Variants in IGSF21 observed in about 807,000 individuals in gnomAD.
The protein encoded by IGSF21 is immunoglobulin superfamily member 21.
Under a neutral mutation model 46.8 loss-of-function variants are expected in IGSF21, and 28 were observed. The observed-to-expected ratio is 0.60, with a 90% confidence interval of 0.44 to 0.82. The LOEUF (loss-of-function observed/expected upper bound fraction) is 0.82, where lower values mean the gene tolerates loss of function less well. Among genes scored for constraint, IGSF21 ranks in the 40% least tolerant of loss-of-function variants. The pLI, the probability that IGSF21 is intolerant of heterozygous loss-of-function variation, is 0.00. For missense variants in IGSF21, 624 were observed against 665.5 expected, an observed-to-expected ratio of 0.94 and a Z score of 0.69; for synonymous variants, 284 against 273.6, an observed-to-expected ratio of 1.04 and a Z score of -0.38.
At chr1:18,302,519 T>G (rs2085372277) in intron 3 of IGSF21, among the ~76,000 whole-genome samples, 1 of 152,208 alleles carries the variant, frequency 6.6e-6, no homozygotes, top group Non-Finnish European at 1.5e-5. Context: ...ATTTTCCTTT[T>G]TAGAATGATA....
intron 1 of IGSF21, among the ~76,000 whole-genome samples, chr1:18,204,485 G>A (rs1453686347): frequency 2.0e-5 from 3 of 152,102 alleles, no homozygotes; most frequent in Admixed American, 6.6e-5. Context: ...TGTGGCGTGC[G>A]CTGCTTGGTT....
chr1:18,349,904 ACC>A (rs2085933217), intron 4 of IGSF21, among the ~76,000 whole-genome samples: 4 of 151,972 alleles, frequency 2.6e-5, no homozygotes, highest in Non-Finnish European at 5.9e-5. Context: ...TAAAAAAAAA[ACC>A]ACTAAATTAC....
chr1:18,226,387 G>A (rs2084567061), intron 1 of IGSF21, among the ~76,000 whole-genome samples: 1 of 152,226 alleles, frequency 6.6e-6, no homozygotes, highest in Non-Finnish European at 1.5e-5. Flanking sequence ...GTAGGTGGGA[G>A]TGAACTGGGG....
At chr1:18,183,591 A>G (rs554358046) in intron 1 of IGSF21, among the ~76,000 whole-genome samples, 1 of 152,070 alleles carries the variant, frequency 6.6e-6, no homozygotes, top group South Asian at 2.1e-4. Context: ...ATCGCTGTGT[A>G]ACAGCCAGCC....
intron 2 of IGSF21, among the ~76,000 whole-genome samples, chr1:18,250,045 T>C (rs1051037524): frequency 6.7e-6 from 1 of 148,432 alleles, no homozygotes; most frequent in Admixed American, 6.7e-5. Context: ...TGTCTCTCTC[T>C]TTCTCCTCCC....
chr1:18,215,020 G>A (rs557410341), intron 1 of IGSF21, among the ~76,000 whole-genome samples: 17 of 152,280 alleles, frequency 1.1e-4, no homozygotes, highest in African/African-American at 3.6e-4. Context: ...GATTACAGGC[G>A]TGAGCCACTG....
chr1:18,135,932 T>C (rs1266167728), intron 1 of IGSF21, among the ~76,000 whole-genome samples: 2 of 152,240 alleles, frequency 1.3e-5, no homozygotes, highest in Admixed American at 1.3e-4. Context: ...TGTTGTTTCC[T>C]GACTTTTTAA....
intron 2 of IGSF21, among the ~76,000 whole-genome samples, chr1:18,259,741 G>A (rs2084929040): frequency 6.6e-6 from 1 of 152,188 alleles, no homozygotes; most frequent in African/African-American, 2.4e-5. Flanking sequence ...TGCAGAGAAG[G>A]AGCCAGTGGG....
intron 1 of IGSF21, among the ~76,000 whole-genome samples, chr1:18,145,155 C>T (rs1055077270): frequency 6.6e-5 from 10 of 152,134 alleles, no homozygotes; most frequent in East Asian, 1.9e-4. Flanking sequence ...CTTTTCTGTG[C>T]GTGGGGACAG....
intron 3 of IGSF21, among the ~76,000 whole-genome samples, chr1:18,315,856 G>A (rs531837693): frequency 2.6e-5 from 4 of 151,068 alleles, no homozygotes; most frequent in South Asian, 4.2e-4. Flanking sequence ...GTGAGTGGAT[G>A]GATAGCTGGA....
intron 2 of IGSF21, among the ~76,000 whole-genome samples, chr1:18,261,025 G>T (rs1001873899): frequency 2.0e-5 from 3 of 152,210 alleles, no homozygotes; most frequent in Non-Finnish European, 4.4e-5. Context: ...AGTGACTGGA[G>T]ACATTCTAAT....
At chr1:18,131,935 G>T (rs1025638782) in intron 1 of IGSF21, among the ~76,000 whole-genome samples, 8 of 152,156 alleles carry the variant, frequency 5.3e-5, no homozygotes, top group African/African-American at 1.9e-4. Context: ...GGGGTGGTTT[G>T]CCTTCCAGAG....
chr1:18,371,571 C>CA (rs35847424), intron 6 of IGSF21, among the ~76,000 whole-genome samples: 20,501 of 119,434 alleles, frequency 0.17, 1,606 homozygotes, highest in East Asian at 0.27. Context: ...GACTCCATTT[C>CA]AAAAAAAAAA....
chr1:18,372,842 ATGGATGGATGGATGGATGGATGGG>A (rs199641413), intron 6 of IGSF21, among the ~76,000 whole-genome samples: 5,397 of 102,608 alleles, frequency 0.053, 188 homozygotes, highest in East Asian at 0.18. Flanking sequence ...GGATGGATGG[ATGGATGGATGGATGGATGGATGGG>A]TGGATGGATG....
rs536418543 is a variant in IGSF21 at position 18,160,347 on chromosome 1, A to G, written c.70+52149A>G. 7.9e-5 allele frequency among the ~76,000 whole-genome samples: 12 copies of G among 152,360 alleles called. No homozygotes were observed. The East Asian group carries it at 1.4e-3, about 17-fold the overall frequency. ...TTTATCAGATGTGTTCAGAGAATAC[A>G]TGACATAAAGCACTTCAAGCGCTCA... is the stretch of plus-strand genomic sequence containing the variant. On this transcript the variant is annotated intron_variant, in intron 1 of 9. Transcript: ENST00000251296.
intron 4 of IGSF21, among the ~76,000 whole-genome samples, chr1:18,344,353 A>G (rs534685530): frequency 6.6e-6 from 1 of 152,180 alleles, no homozygotes; most frequent in Non-Finnish European, 1.5e-5. Flanking sequence ...AAATTTTTGT[A>G]GACACAGGGT....
At chr1:18,276,981 G>A (rs2085108468) in intron 2 of IGSF21, among the ~76,000 whole-genome samples, 1 of 152,190 alleles carries the variant, frequency 6.6e-6, no homozygotes, top group Non-Finnish European at 1.5e-5. Context: ...ATAAATGCTG[G>A]TTCAACAAAT....
At chr1:18,140,386 C>T (rs564827688) in intron 1 of IGSF21, among the ~76,000 whole-genome samples, 1 of 152,282 alleles carries the variant, frequency 6.6e-6, no homozygotes, top group East Asian at 1.9e-4. Flanking sequence ...TTTCCTGGGT[C>T]ACTTCCCGAA....
chr1:18,234,747 A>T (rs535313402), intron 2 of IGSF21, among the ~76,000 whole-genome samples: 2 of 151,164 alleles, frequency 1.3e-5, no homozygotes, highest in South Asian at 2.1e-4. Flanking sequence ...TGATCCAATC[A>T]CCTCCCACCG....
Sources: gnomAD v4.1 joint callset for allele counts (sites outside exome capture counted in the v4.1 genomes callset) on GRCh38, gnomAD v4.1.1 for gene constraint, MANE v1.5 for transcripts, NCBI Gene and HGNC (gene_info 2026-07-23, HGNC 2026-07-21) for gene names.